The following ARMC2 variants were observed in gnomAD, a reference collection of about 807,000 sequenced individuals.
ARMC2 encodes armadillo repeat containing 2.
A neutral mutation model predicts 90.3 loss-of-function variants in ARMC2; 67 were observed. That is an observed-to-expected ratio of 0.74 (90% CI 0.61 to 0.91). The LOEUF (loss-of-function observed/expected upper bound fraction) is 0.91, where lower values mean the gene tolerates loss of function less well. Ranked by LOEUF, ARMC2 falls within the 40% of genes least tolerant of loss-of-function variation. The pLI is 0.00. For missense variants in ARMC2, 920 were observed against 1,030.9 expected (o/e 0.89, Z 1.47); for synonymous variants, 393 against 393.0 (o/e 1.00, Z 0.00).
At chr6:108,933,426 A>G (rs1241148003) in intron 11 of ARMC2, among the ~76,000 whole-genome samples, 1 of 152,066 alleles carries the variant, frequency 6.6e-6, no homozygotes, top group Non-Finnish European at 1.5e-5. Flanking sequence ...TTGTATCCTG[A>G]AACTGCTGAA....
At chr6:108,904,195 T>TAG in intron 7 of ARMC2, 35 bp from the exon 8 acceptor site, 1 of 1,602,082 alleles carries the variant, frequency 6.2e-7, no homozygotes, top group Non-Finnish European at 8.5e-7. Flanking sequence ...TAACCTTAAT[T>TAG]AGTAAGTGTT....
chr6:108,890,218 A>AACAAACAAAC (rs1554243249), intron 5 of ARMC2, among the ~76,000 whole-genome samples: 1,775 of 116,578 alleles, frequency 0.015, 112 homozygotes, highest in East Asian at 0.12. Flanking sequence ...AAAAAAAAAA[A>AACAAACAAAC]AAAAAAAAAA....
chr6:108,931,995 C>G (rs902895916), intron 11 of ARMC2, among the ~76,000 whole-genome samples: 1 of 151,762 alleles, frequency 6.6e-6, no homozygotes, highest in Non-Finnish European at 1.5e-5. Context: ...GAACTCCCGA[C>G]CTCAGGTGAT....
At position 108,923,618 on chromosome 6, in the gene ARMC2, CTT is replaced by C. The variant is rs35715301; in HGVS notation, c.1351-4455_1351-4454del. Among the ~76,000 whole-genome samples, 1,238 of 137,220 alleles carry C rather than the reference CTT, an allele frequency of 9.0e-3. 36 individuals are homozygous for C. The highest frequency in any genetic ancestry group is 0.063 in the Admixed American group (867 of 13,726). The allele number at this position is 137,220 out of a possible 152,430, so 90.0% of individuals were successfully genotyped here. A position where few individuals can be genotyped will look rare whatever the true frequency, so the allele number is the denominator to read the frequency against. On this transcript the variant is annotated intron_variant, in intron 10 of 17. Coordinates refer to ENST00000392644, the MANE Select transcript of ARMC2 (RefSeq NM_032131.6). Reference sequence around the variant, plus strand: ...TTAGCTAGACTCTCCTCCCCACACCCTTTTTTTTTTTTTTTTCCTGCATTTTT... The same window carrying C: ...TTAGCTAGACTCTCCTCCCCACACCCTTTTTTTTTTTTTTCCTGCATTTTT...
chr6:108,869,075 T>C (rs1024343756), intron 4 of ARMC2, 80 bp downstream of exon 4: 49 of 1,410,942 alleles, frequency 3.5e-5, no homozygotes, highest in Non-Finnish European at 3.1e-5. Flanking sequence ...TTTTATATGA[T>C]TTTTCCTAAC....
intron 12 of ARMC2, among the ~76,000 whole-genome samples, chr6:108,952,368 A>T (rs1157826039): frequency 6.6e-6 from 1 of 152,252 alleles, no homozygotes; most frequent in African/African-American, 2.4e-5. Context: ...TTTAGCAAGT[A>T]ATTATAAAGG....
At chr6:108,865,908 T>A (rs1371701609) in intron 3 of ARMC2, among the ~76,000 whole-genome samples, 5 of 150,984 alleles carry the variant, frequency 3.3e-5, no homozygotes, top group African/African-American at 1.2e-4. Flanking sequence ...TCCCAGCTAC[T>A]CAGGAGGCTG....
At chr6:108,900,123 G>C (rs1234584798) in intron 7 of ARMC2, among the ~76,000 whole-genome samples, 1 of 152,172 alleles carries the variant, frequency 6.6e-6, no homozygotes, top group Non-Finnish European at 1.5e-5. Flanking sequence ...TCATACTCAA[G>C]AAAGTAAAAG....
chr6:108,872,826 G>C (rs1356730626), intron 4 of ARMC2, among the ~76,000 whole-genome samples: 1 of 152,178 alleles, frequency 6.6e-6, no homozygotes, highest in Non-Finnish European at 1.5e-5. Flanking sequence ...GAACACTTTT[G>C]GCAAAATGTT....
chr6:109,030,569 G>A, the ARMC2 span, among the ~76,000 whole-genome samples: 1 of 151,978 alleles, frequency 6.6e-6, no homozygotes, highest in Non-Finnish European at 1.5e-5. Context: ...GTGAAAAAGA[G>A]GAAGAATAAA....
chr6:108,862,856 G>C (rs1775416756), intron 3 of ARMC2, among the ~76,000 whole-genome samples: 1 of 152,206 alleles, frequency 6.6e-6, no homozygotes, highest in African/African-American at 2.4e-5. Context: ...GTCAGTCAGG[G>C]AACAGGGACT....
intron 17 of ARMC2, 81 bp downstream of exon 17, chr6:108,965,221 A>G: frequency 8.1e-7 from 1 of 1,228,192 alleles, no homozygotes; most frequent in Non-Finnish European, 1.2e-6. Context: ...TCGGATAAAT[A>G]TTAGTATGCA....
intron 12 of ARMC2, among the ~76,000 whole-genome samples, chr6:108,952,513 C>T (rs1777264473): frequency 6.8e-6 from 1 of 147,270 alleles, no homozygotes; most frequent in Non-Finnish European, 1.5e-5. Flanking sequence ...TCATCTAGTG[C>T]GTGGAGGCCA....
At chr6:108,979,593 A>T in the ARMC2 span, among the ~76,000 whole-genome samples, 1 of 151,884 alleles carries the variant, frequency 6.6e-6, no homozygotes, top group East Asian at 1.9e-4. Context: ...GTATTTTCCA[A>T]CTCGGTTCCA....
chr6:109,025,872 CAG>C, the ARMC2 span, among the ~76,000 whole-genome samples: 1 of 149,432 alleles, frequency 6.7e-6, no homozygotes, highest in Non-Finnish European at 1.5e-5. Context: ...AAGGAGAAAA[CAG>C]AAAGAATAGG....
At chr6:108,885,678 A>AG (rs1292587241) in intron 5 of ARMC2, among the ~76,000 whole-genome samples, 1 of 151,754 alleles carries the variant, frequency 6.6e-6, no homozygotes, top group Non-Finnish European at 1.5e-5. Flanking sequence ...TGTCGCAAAA[A>AG]AAAAAAGAAA....
chr6:108,905,248 A>C (rs755053253), intron 8 of ARMC2, among the ~76,000 whole-genome samples: 2 of 152,230 alleles, frequency 1.3e-5, no homozygotes, highest in Non-Finnish European at 2.9e-5. Context: ...AGTTAATAAG[A>C]ATGCCACCTT....
the ARMC2 span, among the ~76,000 whole-genome samples, chr6:109,004,760 A>C: frequency 3.1e-3 from 362 of 115,400 alleles, 1 homozygote; most frequent in African/African-American, 0.012. Context: ...AGCAAACAAC[A>C]CAGTTCAAGG....
In ARMC2 at chr6:108,973,386, G is replaced by C; in HGVS notation, c.2476G>C (p.Asp826His). The C allele has an allele frequency of 2.5e-6, 4 of 1,613,408 alleles. No individual in the cohort carries two copies. Among genetic ancestry groups the C allele is most frequent in the South Asian group, 1.1e-5 (1 of 91,018 alleles). Reference sequence around the variant, plus strand: ...AGAACTAGCACTGGATGGCAGTTTTGATCCAGACCTAAAAAACTATCACAA... The same window carrying C: ...AGAACTAGCACTGGATGGCAGTTTTCATCCAGACCTAAAAAACTATCACAA... ...DEELALDGSFDPDLKNYHKLH... is the reference protein window; with the variant it reads ...DEELALDGSFHPDLKNYHKLH... Residue 826 changes from aspartate to histidine, a missense_variant, in exon 18 of 18, where the codon GAT becomes CAT. Coordinates refer to ENST00000392644, the MANE Select transcript of ARMC2 (RefSeq NM_032131.6).
Sources: allele counts gnomAD v4.1 joint callset (sites outside exome capture counted in the v4.1 genomes callset), GRCh38; gene constraint gnomAD v4.1.1; transcripts MANE v1.5; gene names NCBI Gene and HGNC (gene_info 2026-07-23, HGNC 2026-07-21).